Variants in SGCD observed in about 807,000 individuals in gnomAD.
SGCD encodes sarcoglycan delta.
SGCD carries 18 observed loss-of-function variants against 36.6 expected under a neutral mutation model. The observed-to-expected ratio is 0.49, with a 90% CI of 0.34 to 0.73. The LOEUF (loss-of-function observed/expected upper bound fraction) is 0.73. Among genes scored for constraint, SGCD ranks in the 30% least tolerant of loss-of-function variants. The probability of loss-of-function intolerance (pLI) is 0.01; values close to 1 mark genes in which losing one functional copy is unlikely to be tolerated. For missense variants in SGCD, 387 were observed against 346.7 expected, an observed-to-expected ratio of 1.12 and a Z score of -0.92; for synonymous variants, 133 against 130.6, an observed-to-expected ratio of 1.02 and a Z score of -0.12.
intron 6 of SGCD, among the ~76,000 whole-genome samples, chr5:156,597,950 G>C (rs1271201771): frequency 6.6e-6 from 1 of 152,048 alleles, no homozygotes; most frequent in East Asian, 1.9e-4. Flanking sequence ...TCACAACCTG[G>C]CATGTTGGAC....
chr5:156,567,557 T>G (rs1463869498), intron 4 of SGCD, among the ~76,000 whole-genome samples: 2 of 152,148 alleles, frequency 1.3e-5, no homozygotes. Flanking sequence ...GAGTTTCCTT[T>G]TGCCCAGGGA....
chr5:156,567,195 T>C (rs1759514916), intron 4 of SGCD, among the ~76,000 whole-genome samples: 1 of 152,150 alleles, frequency 6.6e-6, no homozygotes, highest in Non-Finnish European at 1.5e-5. Flanking sequence ...AATTCTTTAG[T>C]AGTACTCACC....
chr5:156,403,356 G>C (rs887597952), intron 3 of SGCD, among the ~76,000 whole-genome samples: 3 of 152,242 alleles, frequency 2.0e-5, no homozygotes, highest in Admixed American at 2.0e-4. Context: ...GAGAACTCGC[G>C]GTCTATTAAG....
chr5:156,236,965 CT>C (rs1765181537), intron 3 of SGCD, among the ~76,000 whole-genome samples: 1 of 151,834 alleles, frequency 6.6e-6, no homozygotes, highest in African/African-American at 2.4e-5. Context: ...TCCCTAGTAC[CT>C]GGGATTACAG....
At chr5:155,918,413 A>T (rs1416803804) in intron 1 of SGCD, among the ~76,000 whole-genome samples, 1 of 152,096 alleles carries the variant, frequency 6.6e-6, no homozygotes, top group Non-Finnish European at 1.5e-5. Context: ...AAATACAAAA[A>T]TTATCCAGCC....
In SGCD at chr5:155,996,552, G is replaced by A. The variant is rs990262969; in HGVS notation, c.-281-121326G>A. ...CAGCAGTTTGGGAGGCCGAGGCGGGGGGATCACTTAAGGCCAGGAGTTCAA... is the reference window on the plus strand; with the variant it reads ...CAGCAGTTTGGGAGGCCGAGGCGGGAGGATCACTTAAGGCCAGGAGTTCAA... On this transcript the variant is annotated intron_variant, in intron 1 of 9. Transcript: ENST00000517913. 4.1e-4 allele frequency among the ~76,000 whole-genome samples: 63 copies of A among 152,132 alleles called. 1 individual carries two copies. The highest frequency in any genetic ancestry group is 1.8e-3 in the Admixed American group (27 of 15,282).
chr5:155,894,555 G>C (rs948141681), intron 1 of SGCD, among the ~76,000 whole-genome samples: 26 of 152,260 alleles, frequency 1.7e-4, no homozygotes, highest in African/African-American at 6.0e-4. Context: ...TGAGCGTGAA[G>C]CTTCATCTGT....
chr5:155,881,801 T>A lies in SGCD; in HGVS notation c.-282+11377T>A, dbSNP rs138410699. ...GAATTTTCTAAACCCTTTGTTGTCA[T>A]TTCAACAAATTTTCACAGCATCTTC... On this transcript the variant is annotated intron_variant, in intron 1 of 9. Transcript: ENST00000517913. Among the ~76,000 whole-genome samples, 611 of 152,312 alleles carry A rather than the reference T, an allele frequency of 4.0e-3. 5 individuals are homozygous for A. Among genetic ancestry groups the A allele is most frequent in the African/African-American group, 0.014 (581 of 41,558 alleles).
chr5:156,617,082 C>T (rs1762048366), intron 6 of SGCD, among the ~76,000 whole-genome samples: 1 of 152,160 alleles, frequency 6.6e-6, no homozygotes, highest in South Asian at 2.1e-4. Context: ...TTCTTTCTAT[C>T]CTTCCTCATT....
intron 3 of SGCD, among the ~76,000 whole-genome samples, chr5:156,446,044 T>C (rs955754099): frequency 4.6e-5 from 7 of 152,072 alleles, no homozygotes; most frequent in African/African-American, 1.2e-4. Context: ...GGTCTTGTCA[T>C]TCTAATCCAG....
the SGCD span, among the ~76,000 whole-genome samples, chr5:155,849,446 G>GTGCA: frequency 6.7e-6 from 1 of 149,934 alleles, no homozygotes; most frequent in East Asian, 2.0e-4. Flanking sequence ...ATGTGCGCGC[G>GTGCA]CACACACACA....
At chr5:156,150,589 A>T (rs749461431) in intron 3 of SGCD, among the ~76,000 whole-genome samples, 1 of 151,738 alleles carries the variant, frequency 6.6e-6, no homozygotes, top group Non-Finnish European at 1.5e-5. Flanking sequence ...ATATGCATTG[A>T]TTTGACATTG....
intron 1 of SGCD, among the ~76,000 whole-genome samples, chr5:155,883,309 A>G (rs1755929133): frequency 6.6e-6 from 1 of 152,186 alleles, no homozygotes; most frequent in African/African-American, 2.4e-5. Flanking sequence ...TTTTGCATTT[A>G]CAACTTGGCT....
chr5:156,635,273 C>T (rs1480513034), intron 6 of SGCD, among the ~76,000 whole-genome samples: 1 of 151,984 alleles, frequency 6.6e-6, no homozygotes, highest in Non-Finnish European at 1.5e-5. Context: ...AGCCAAAAGA[C>T]ACATGAAAAA....
At chr5:156,711,192 G>T (rs1306560749) in intron 7 of SGCD, among the ~76,000 whole-genome samples, 1 of 152,066 alleles carries the variant, frequency 6.6e-6, no homozygotes, top group Non-Finnish European at 1.5e-5. Context: ...AATCCCCTTG[G>T]TCAAGAGGGG....
the SGCD span, among the ~76,000 whole-genome samples, chr5:155,839,612 A>G: frequency 1.3e-5 from 2 of 152,220 alleles, no homozygotes; most frequent in Non-Finnish European, 2.9e-5. Context: ...AATATTTAAC[A>G]TATCTCCTTC....
At chr5:155,992,793 A>G (rs1209802014) in intron 1 of SGCD, among the ~76,000 whole-genome samples, 1 of 152,148 alleles carries the variant, frequency 6.6e-6, no homozygotes, top group Non-Finnish European at 1.5e-5. Context: ...GGTTGACTTG[A>G]TGGCTGGAAT....
chr5:156,751,698 C>T (rs1429939539), intron 7 of SGCD, among the ~76,000 whole-genome samples: 1 of 152,190 alleles, frequency 6.6e-6, no homozygotes, highest in Non-Finnish European at 1.5e-5. Context: ...TGACAAGATG[C>T]TTAACTCCAT....
chr5:156,708,516 A>G (rs546039630), intron 7 of SGCD, among the ~76,000 whole-genome samples: 48 of 152,342 alleles, frequency 3.2e-4, no homozygotes, highest in African/African-American at 1.1e-3. Flanking sequence ...CAGAATATAA[A>G]TAATACACAT....
Sources: gnomAD v4.1 joint callset for allele counts (sites outside exome capture counted in the v4.1 genomes callset) on GRCh38, gnomAD v4.1.1 for gene constraint, MANE v1.5 for transcripts, NCBI Gene and HGNC (gene_info 2026-07-23, HGNC 2026-07-21) for gene names.